NRXN3: variants seen among roughly 807,000 people sequenced by gnomAD.
The protein encoded by NRXN3 is neurexin 3, also known as neurexin III.
NRXN3 carries 32 observed loss-of-function variants against 137.6 expected under a neutral mutation model. That is an observed-to-expected ratio of 0.23 (90% CI 0.18 to 0.31). NRXN3 has a LOEUF of 0.31. NRXN3 is among the 10% of genes least tolerant of loss of function. The pLI is 1.00. For missense variants in NRXN3, 1,574 were observed against 2,062.5 expected (o/e 0.76, Z 4.59); for synonymous variants, 798 against 784.5 (o/e 1.02, Z -0.29).
chr14:78,525,638 T>C (rs1482826416), intron 4 of NRXN3, among the ~76,000 whole-genome samples: 3 of 152,154 alleles, frequency 2.0e-5, no homozygotes, highest in African/African-American at 4.8e-5. Context: ...CTTCATCCCA[T>C]TGGGAATTCA....
At chr14:78,551,780 A>C in intron 4 of NRXN3, among the ~76,000 whole-genome samples, 1 of 143,322 alleles carries the variant, frequency 7.0e-6, no homozygotes. Flanking sequence ...TCCCCACTCT[A>C]CTTCCCCCCA....
chr14:79,230,390 A>T (rs2071947110), intron 15 of NRXN3, among the ~76,000 whole-genome samples: 1 of 152,166 alleles, frequency 6.6e-6, no homozygotes, highest in Non-Finnish European at 1.5e-5. Flanking sequence ...ATTCTAGCAC[A>T]ACATCAGCAT....
chr14:78,692,734 T>G (rs1341964252), intron 6 of NRXN3, among the ~76,000 whole-genome samples: 1 of 152,236 alleles, frequency 6.6e-6, no homozygotes, highest in Non-Finnish European at 1.5e-5. Context: ...TAAAATGAGA[T>G]AATTATGGCA....
At chr14:79,141,032 G>T (rs959954010) in intron 15 of NRXN3, among the ~76,000 whole-genome samples, 4 of 152,098 alleles carry the variant, frequency 2.6e-5, no homozygotes, top group African/African-American at 9.7e-5. Flanking sequence ...AACATTGAGT[G>T]GTAAAAGAAA....
intron 16 of NRXN3, among the ~76,000 whole-genome samples, chr14:79,567,791 A>G (rs913147189): frequency 2.6e-5 from 4 of 152,150 alleles, no homozygotes; most frequent in African/African-American, 9.7e-5. Context: ...TGCTTTGTCA[A>G]TCGAGCATAC....
At chr14:79,479,365 A>G (rs1361721104) in intron 16 of NRXN3, among the ~76,000 whole-genome samples, 2 of 152,032 alleles carry the variant, frequency 1.3e-5, no homozygotes, top group African/African-American at 4.8e-5. Context: ...CATTACCTCT[A>G]TTTTATGAAG....
chr14:78,374,112 G>A (rs2087371552), intron 4 of NRXN3, among the ~76,000 whole-genome samples: 1 of 152,170 alleles, frequency 6.6e-6, no homozygotes, highest in Non-Finnish European at 1.5e-5. Flanking sequence ...TACGTGTTTA[G>A]TGACAGTGGG....
intron 19 of NRXN3, among the ~76,000 whole-genome samples, chr14:79,792,899 A>T (rs1268613261): frequency 6.6e-6 from 1 of 152,080 alleles, no homozygotes; most frequent in African/African-American, 2.4e-5. Context: ...TTTTTTCCAG[A>T]AAATTATATG....
intron 8 of NRXN3, among the ~76,000 whole-genome samples, chr14:78,754,760 G>A (rs376688970): frequency 6.6e-6 from 1 of 151,838 alleles, no homozygotes; most frequent in South Asian, 2.1e-4. Flanking sequence ...GTGGGGCCCA[G>A]CAATCTGAGT....
intron 6 of NRXN3, among the ~76,000 whole-genome samples, chr14:78,674,206 A>G (rs2097971652): frequency 6.6e-6 from 1 of 152,152 alleles, no homozygotes; most frequent in Non-Finnish European, 1.5e-5. Flanking sequence ...TGCTCACTTG[A>G]GGTTAAAACA....
At chr14:79,016,133 G>A (rs2099578820) in intron 15 of NRXN3, among the ~76,000 whole-genome samples, 1 of 152,114 alleles carries the variant, frequency 6.6e-6, no homozygotes, top group African/African-American at 2.4e-5. Context: ...GGCTTTCTGT[G>A]AAGTGGCAGG....
chr14:79,218,212 T>C (rs903945166), intron 15 of NRXN3, among the ~76,000 whole-genome samples: 1 of 152,208 alleles, frequency 6.6e-6, no homozygotes, highest in Non-Finnish European at 1.5e-5. Flanking sequence ...CATTCCTTTG[T>C]ATAAACACAT....
intron 15 of NRXN3, among the ~76,000 whole-genome samples, chr14:79,352,700 C>G (rs1173843342): frequency 6.6e-6 from 1 of 152,104 alleles, no homozygotes; most frequent in Non-Finnish European, 1.5e-5. Context: ...TAAGATATGT[C>G]TGATGCTAAC....
At chr14:79,450,438 C>G (rs192107345) in intron 15 of NRXN3, among the ~76,000 whole-genome samples, 8 of 152,160 alleles carry the variant, frequency 5.3e-5, no homozygotes, top group Admixed American at 3.9e-4. Flanking sequence ...AAAGTTCTCA[C>G]CACAAAAAAT....
At chr14:79,283,808 T>C (rs1034743147) in intron 15 of NRXN3, among the ~76,000 whole-genome samples, 2 of 152,092 alleles carry the variant, frequency 1.3e-5, no homozygotes, top group African/African-American at 4.8e-5. Flanking sequence ...GGCTGTGGGC[T>C]ACTGCTGAAG....
chr14:78,303,584 C>T (rs1440748556), intron 4 of NRXN3, among the ~76,000 whole-genome samples: 1 of 152,082 alleles, frequency 6.6e-6, no homozygotes, highest in Non-Finnish European at 1.5e-5. Flanking sequence ...GGTGCCTTCC[C>T]TGCTTTATTT....
chr14:78,679,515 T>C (rs1430522006), intron 6 of NRXN3, among the ~76,000 whole-genome samples: 1 of 152,224 alleles, frequency 6.6e-6, no homozygotes, highest in African/African-American at 2.4e-5. Flanking sequence ...AATTAATTAA[T>C]TTCAATTTGA....
intron 10 of NRXN3, among the ~76,000 whole-genome samples, chr14:78,882,096 A>G (rs28852487): frequency 6.6e-6 from 1 of 151,742 alleles, no homozygotes; most frequent in South Asian, 2.1e-4. Flanking sequence ...CTGTGATTGT[A>G]TAGAAGACAA....
intron 10 of NRXN3, among the ~76,000 whole-genome samples, chr14:78,919,393 A>G (rs780049233): frequency 3.3e-5 from 5 of 152,218 alleles, no homozygotes; most frequent in Non-Finnish European, 5.9e-5. Flanking sequence ...TATTTTCAAT[A>G]TCTATTTTCC....
Sources: gnomAD v4.1 joint callset for allele counts (sites outside exome capture counted in the v4.1 genomes callset) on GRCh38, gnomAD v4.1.1 for gene constraint, MANE v1.5 for transcripts, NCBI Gene and HGNC (gene_info 2026-07-23, HGNC 2026-07-21) for gene names.